The following AP3B1 variants were observed in gnomAD, a reference collection of about 807,000 sequenced individuals.
AP3B1 encodes adaptor related protein complex 3 subunit beta 1.
A neutral mutation model predicts 132.5 loss-of-function variants in AP3B1; 61 were observed. The ratio of observed to expected loss-of-function variants is 0.46; its 90% CI spans 0.37 to 0.57. The LOEUF is 0.57. Among genes scored for constraint, AP3B1 ranks in the 20% least tolerant of loss-of-function variants. The pLI, the probability that AP3B1 is intolerant of heterozygous loss-of-function variation, is 0.00. For synonymous variants in AP3B1, 388 were observed against 438.3 expected (o/e 0.89, Z 1.43); for missense variants, 1,120 against 1,289.4 (o/e 0.87, Z 2.01).
intron 13 of AP3B1, among the ~76,000 whole-genome samples, chr5:78,158,703 C>CT (rs1185304978): frequency 0.028 from 3,967 of 144,072 alleles, 154 homozygotes; most frequent in African/African-American, 0.089. Context: ...GGTATTACTT[C>CT]TTTTTTTTTT....
intron 22 of AP3B1, among the ~76,000 whole-genome samples, chr5:78,060,794 C>T (rs1190314331): frequency 6.6e-6 from 1 of 151,748 alleles, no homozygotes; most frequent in African/African-American, 2.4e-5. Context: ...TCTTTCATCA[C>T]AAGTACCATA....
chr5:78,200,537 T>C (rs1745248254), intron 7 of AP3B1, among the ~76,000 whole-genome samples: 1 of 152,078 alleles, frequency 6.6e-6, no homozygotes, highest in African/African-American at 2.4e-5. Context: ...TGTGTGCCTG[T>C]AGTCCTAGCT....
chr5:78,042,929 C>G, intron 22 of AP3B1: 1 of 187,674 alleles, frequency 5.3e-6, no homozygotes, highest in East Asian at 1.4e-4. Flanking sequence ...TGGTGAAGCT[C>G]TTGTAGAATT....
chr5:78,207,150 T>TG (rs1745540669), intron 7 of AP3B1, among the ~76,000 whole-genome samples: 1 of 150,034 alleles, frequency 6.7e-6, no homozygotes, highest in Non-Finnish European at 1.5e-5. Context: ...CCCAGCTACT[T>TG]GGGAGGCTGA....
intron 20 of AP3B1, among the ~76,000 whole-genome samples, chr5:78,102,911 T>A (rs994892592): frequency 6.6e-6 from 1 of 152,126 alleles, no homozygotes; most frequent in Non-Finnish European, 1.5e-5. Flanking sequence ...AGAACAGAGC[T>A]GCATGTGAAA....
intron 7 of AP3B1, among the ~76,000 whole-genome samples, chr5:78,184,558 G>C (rs1744519143): frequency 6.6e-6 from 1 of 151,832 alleles, no homozygotes; most frequent in African/African-American, 2.4e-5. Flanking sequence ...CATGGTGGTG[G>C]GTGCCTGTAG....
Position 78,162,883 on chromosome 5 carries a change from G to A in AP3B1, c.1299C>T (p.Thr433=). The change falls in exon 13 of 27, where the codon ACC becomes ACT. Residue 433 remains threonine, a synonymous_variant. Coordinates refer to ENST00000255194, the MANE Select transcript of AP3B1 (RefSeq NM_003664.5). ...ACGTGTCAGTGACTTCCAAGATGTTGGTTGCACATCTGCCTATAGTCTGAA... is the reference window on the plus strand; with the variant it reads ...ACGTGTCAGTGACTTCCAAGATGTTAGTTGCACATCTGCCTATAGTCTGAA... ...ATIQTIGRCA[T]NILEVTDTCL... 6.2e-7 allele frequency: 1 copy of A among 1,613,522 alleles called. No individual in the cohort carries two copies. The highest frequency in any genetic ancestry group is 2.2e-5 in the East Asian group (1 of 44,880).
chr5:78,293,258 G>A (rs1283329980), intron 1 of AP3B1, among the ~76,000 whole-genome samples: 4 of 152,202 alleles, frequency 2.6e-5, no homozygotes, highest in African/African-American at 9.6e-5. Flanking sequence ...GAAACAGATT[G>A]ATGCCGATAT....
intron 22 of AP3B1, among the ~76,000 whole-genome samples, chr5:78,082,998 G>A (rs1453687159): frequency 1.3e-5 from 2 of 151,914 alleles, no homozygotes; most frequent in African/African-American, 4.8e-5. Context: ...TATATTTTTA[G>A]TAGAAACGGG....
intron 7 of AP3B1, among the ~76,000 whole-genome samples, chr5:78,185,547 T>C (rs578050497): frequency 6.6e-6 from 1 of 152,294 alleles, no homozygotes; most frequent in South Asian, 2.1e-4. Context: ...GCATGTAAAA[T>C]GTAATACCTA....
chr5:78,138,290 AC>A (rs753402461), intron 15 of AP3B1, among the ~76,000 whole-genome samples: 1 of 152,020 alleles, frequency 6.6e-6, no homozygotes, highest in African/African-American at 2.4e-5. Context: ...ACATGGTGAA[AC>A]CCCATCTCTA....
chr5:78,091,190 T>C (rs1750493809), intron 21 of AP3B1, among the ~76,000 whole-genome samples: 1 of 151,300 alleles, frequency 6.6e-6, no homozygotes, highest in African/African-American at 2.4e-5. Flanking sequence ...CAAATATTTA[T>C]TCTGAAAGGT....
intron 1 of AP3B1, among the ~76,000 whole-genome samples, chr5:78,276,234 G>A (rs1580580284): frequency 1.3e-5 from 2 of 151,972 alleles, no homozygotes; most frequent in South Asian, 4.2e-4. Context: ...CCTGGCTAAT[G>A]TTTTTTTATT....
chr5:78,053,629 G>GAGATTGCA (rs1030929701), intron 22 of AP3B1, among the ~76,000 whole-genome samples: 1 of 143,198 alleles, frequency 7.0e-6, no homozygotes, highest in Non-Finnish European at 1.5e-5. Context: ...ACAGTGAGCC[G>GAGATTGCA]AGATTGCACC....
At chr5:78,029,282 A>G (rs895572974) in intron 24 of AP3B1, among the ~76,000 whole-genome samples, 5 of 152,022 alleles carry the variant, frequency 3.3e-5, no homozygotes, top group Non-Finnish European at 7.4e-5. Flanking sequence ...TAACAATTGT[A>G]TTTTCTTGGA....
chr5:78,044,946 G>A (rs561152377), intron 22 of AP3B1, among the ~76,000 whole-genome samples: 9 of 152,244 alleles, frequency 5.9e-5, no homozygotes, highest in East Asian at 5.8e-4. Context: ...TGAATTCACC[G>A]TCTAAAAAGG....
intron 20 of AP3B1, among the ~76,000 whole-genome samples, chr5:78,108,044 C>A (rs1751416426): frequency 1.3e-5 from 2 of 152,118 alleles, no homozygotes; most frequent in East Asian, 1.9e-4. Flanking sequence ...CTATGCTTAT[C>A]TCATAGGACT....
intron 1 of AP3B1, among the ~76,000 whole-genome samples, chr5:78,286,240 C>G (rs1749273675): frequency 6.6e-6 from 1 of 152,182 alleles, no homozygotes; most frequent in Non-Finnish European, 1.5e-5. Context: ...CCTAGCTCTG[C>G]CAACCTATGA....
intron 7 of AP3B1, among the ~76,000 whole-genome samples, chr5:78,189,364 A>G (rs895782485): frequency 3.3e-5 from 5 of 152,176 alleles, no homozygotes; most frequent in African/African-American, 9.6e-5. Flanking sequence ...TTTGATTTTA[A>G]TATGCATTTA....
Sources: gnomAD v4.1 joint callset for allele counts (sites outside exome capture counted in the v4.1 genomes callset) on GRCh38, gnomAD v4.1.1 for gene constraint, MANE v1.5 for transcripts, NCBI Gene and HGNC (gene_info 2026-07-23, HGNC 2026-07-21) for gene names.